Variants in ARHGAP24 observed in about 807,000 individuals in gnomAD.
ARHGAP24 encodes rho GTPase-activating protein 24.
Under a neutral mutation model 76.4 loss-of-function variants are expected in ARHGAP24, and 50 were observed. The ratio of observed to expected loss-of-function variants is 0.65; its 90% CI spans 0.52 to 0.83. The LOEUF is 0.83. Ranked by LOEUF, ARHGAP24 falls within the 40% of genes least tolerant of loss-of-function variation. The pLI is 0.00. For synonymous variants in ARHGAP24, 345 were observed against 323.3 expected (o/e 1.07, Z -0.72); for missense variants, 930 against 914.2 (o/e 1.02, Z -0.22).
chr4:85,718,400 C>G (rs150660362), intron 2 of ARHGAP24, among the ~76,000 whole-genome samples: 41 of 152,072 alleles, frequency 2.7e-4, no homozygotes, highest in Non-Finnish European at 4.6e-4. Context: ...CATGTATAAA[C>G]ACGTAAAAGT....
chr4:85,484,659 T>C (rs1219443695), intron 1 of ARHGAP24, among the ~76,000 whole-genome samples: 4 of 152,146 alleles, frequency 2.6e-5, no homozygotes, highest in Non-Finnish European at 5.9e-5. Context: ...ACTTGCTGCC[T>C]AGGCTGGAGT....
chr4:85,801,421 A>G (rs1728573226), intron 3 of ARHGAP24, among the ~76,000 whole-genome samples: 2 of 152,254 alleles, frequency 1.3e-5, no homozygotes, highest in South Asian at 4.1e-4. Context: ...ATTATATAAC[A>G]TTTTTCATAT....
At position 85,818,951 on chromosome 4, in the gene ARHGAP24, G is replaced by T. The variant is rs6842326; in HGVS notation, c.268+96979G>T. Among the ~76,000 whole-genome samples the T allele has an allele frequency of 5.6e-3, 856 of 152,204 alleles. 6 individuals are homozygous for T. Among genetic ancestry groups the T allele is most frequent in the Admixed American group, 0.01 (153 of 15,286 alleles). On this transcript the variant is annotated intron_variant, in intron 3 of 9. Transcript: ENST00000395184. ...ACAGCAACACTCTTCACAACAGATT[G>T]CCGTTATATTGCTTTGTTTTGTTTT...
chr4:85,984,099 G>GA (rs1433448395), intron 8 of ARHGAP24, among the ~76,000 whole-genome samples: 1 of 152,146 alleles, frequency 6.6e-6, no homozygotes, highest in Non-Finnish European at 1.5e-5. Flanking sequence ...ATTATAGTAT[G>GA]AAAAATGTTA....
Position 85,695,141 on chromosome 4 carries a change from G to A in ARHGAP24, c.181-26744G>A, listed in dbSNP as rs139877570. Reference sequence around the variant, plus strand: ...TGGAAGATCTTAATGTTGTATATGCGTATTTTAGCTTATCTATTCTGAATT... The same window carrying A: ...TGGAAGATCTTAATGTTGTATATGCATATTTTAGCTTATCTATTCTGAATT... On this transcript the variant is annotated intron_variant, in intron 2 of 9. Coordinates refer to ENST00000395184, the MANE Select transcript of ARHGAP24 (RefSeq NM_001025616.3). Among the ~76,000 whole-genome samples the A allele has an allele frequency of 5.3e-3, 809 of 152,230 alleles. 7 individuals carry two copies. The highest frequency in any genetic ancestry group is 0.018 in the African/African-American group (762 of 41,532).
chr4:85,729,261 A>G (rs1725298345), intron 3 of ARHGAP24, among the ~76,000 whole-genome samples: 1 of 152,134 alleles, frequency 6.6e-6, no homozygotes, highest in African/African-American at 2.4e-5. Context: ...CTATATACAC[A>G]AGTAGCTCTA....
intron 2 of ARHGAP24, among the ~76,000 whole-genome samples, chr4:85,588,317 A>G (rs1033036738): frequency 1.3e-5 from 2 of 152,158 alleles, no homozygotes; most frequent in African/African-American, 4.8e-5. Flanking sequence ...TTAATGTAAT[A>G]GTTTTCATTT....
chr4:85,768,289 C>T (rs948768267), intron 3 of ARHGAP24, among the ~76,000 whole-genome samples: 1 of 152,086 alleles, frequency 6.6e-6, no homozygotes, highest in Admixed American at 6.6e-5. Flanking sequence ...TCCACAAGTA[C>T]CCAATGCTGT....
At chr4:85,935,165 C>T (rs535690782) in intron 4 of ARHGAP24, among the ~76,000 whole-genome samples, 2 of 152,256 alleles carry the variant, frequency 1.3e-5, no homozygotes, top group African/African-American at 2.4e-5. Context: ...AACAAAACAC[C>T]ACTATCCAAA....
intron 2 of ARHGAP24, among the ~76,000 whole-genome samples, chr4:85,638,443 TG>T (rs1205214491): frequency 1.2e-4 from 18 of 152,164 alleles, no homozygotes; most frequent in Admixed American, 1.1e-3. Flanking sequence ...CACTGACATG[TG>T]ACTTCTCCAA....
chr4:85,894,960 C>CAAA (rs540459367), intron 3 of ARHGAP24, among the ~76,000 whole-genome samples: 26 of 35,344 alleles, frequency 7.4e-4, no homozygotes, highest in Middle Eastern at 0.029. Flanking sequence ...GACTCCCTCT[C>CAAA]AAAAAAAAAA....
chr4:85,745,286 T>C (rs1164431224), intron 3 of ARHGAP24, among the ~76,000 whole-genome samples: 1 of 146,210 alleles, frequency 6.8e-6, no homozygotes, highest in African/African-American at 2.5e-5. Flanking sequence ...TACTAATATA[T>C]ACCGTAGTAT....
intron 1 of ARHGAP24, among the ~76,000 whole-genome samples, chr4:85,483,600 G>A (rs1722902026): frequency 1.3e-5 from 2 of 151,822 alleles, no homozygotes; most frequent in African/African-American, 2.4e-5. Flanking sequence ...CAACAAGAGC[G>A]AAACTCCATC....
chr4:85,896,945 G>A (rs1734211645), intron 3 of ARHGAP24, among the ~76,000 whole-genome samples: 1 of 152,176 alleles, frequency 6.6e-6, no homozygotes, highest in South Asian at 2.1e-4. Context: ...CAAACATGGA[G>A]TTTGGTTTAA....
At chr4:85,974,225 T>C (rs544991456) in intron 6 of ARHGAP24, among the ~76,000 whole-genome samples, 1 of 152,262 alleles carries the variant, frequency 6.6e-6, no homozygotes, top group African/African-American at 2.4e-5. Context: ...TGGCTGCTTT[T>C]GCACTACAAC....
chr4:85,697,200 C>T (rs1019787789), intron 2 of ARHGAP24, among the ~76,000 whole-genome samples: 2 of 152,112 alleles, frequency 1.3e-5, no homozygotes, highest in Admixed American at 1.3e-4. Flanking sequence ...ATTACTTTGT[C>T]CTTAGCACTG....
intron 1 of ARHGAP24, among the ~76,000 whole-genome samples, chr4:85,487,895 T>A (rs1231540599): frequency 6.2e-5 from 8 of 128,356 alleles, no homozygotes; most frequent in Non-Finnish European, 1.1e-4. Context: ...ATAATAAATA[T>A]ATTTTATATA....
intron 3 of ARHGAP24, among the ~76,000 whole-genome samples, chr4:85,761,725 T>C (rs1303000200): frequency 6.6e-6 from 1 of 152,126 alleles, no homozygotes; most frequent in Non-Finnish European, 1.5e-5. Context: ...ACGTTTTCCG[T>C]GAGATGTAAT....
intron 1 of ARHGAP24, among the ~76,000 whole-genome samples, chr4:85,535,526 CAAAG>C (rs1449465624): frequency 2.0e-5 from 3 of 152,114 alleles, no homozygotes; most frequent in East Asian, 1.9e-4. Flanking sequence ...ATGAATAAAA[CAAAG>C]GAAGTCATAA....
Sources: allele counts gnomAD v4.1 joint callset (sites outside exome capture counted in the v4.1 genomes callset), GRCh38; gene constraint gnomAD v4.1.1; transcripts MANE v1.5; gene names NCBI Gene and HGNC (gene_info 2026-07-23, HGNC 2026-07-21).